STPG2: variants seen among roughly 807,000 people sequenced by gnomAD.
The protein encoded by STPG2 is sperm-tail PG-rich repeat-containing protein 2.
Under a neutral mutation model 54.2 loss-of-function variants are expected in STPG2, and 56 were observed. The observed-to-expected ratio is 1.03, with a 90% CI of 0.83 to 1.29. STPG2 has a LOEUF of 1.29. Ranked by LOEUF, STPG2 falls within the 50% of genes most tolerant of loss-of-function variation. STPG2 has a pLI of 0.00. For synonymous variants in STPG2, 200 were observed against 181.8 expected, an observed-to-expected ratio of 1.10 and a Z score of -0.81; for missense variants, 596 against 544.9, an observed-to-expected ratio of 1.09 and a Z score of -0.93.
chr4:97,579,360 GCAT>G lies in STPG2; in HGVS notation c.1321-20246_1321-20244del, dbSNP rs554913463. Among the ~76,000 whole-genome samples the G allele has an allele frequency of 4.1e-3, 629 of 151,910 alleles. 3 individuals carry two copies. Among genetic ancestry groups the G allele is most frequent in the South Asian group, 0.02 (98 of 4,806 alleles). ...TTGACTAATTATCCTATTCAGGAAA[GCAT>G]CTTAAAAAATTTTCTAAGCATCTTA... On this transcript the variant is annotated intron_variant, in intron 10 of 10. Transcript: ENST00000295268.
chr4:98,025,647 T>C (rs1736392539), intron 5 of STPG2: 1 of 892,748 alleles, frequency 1.1e-6, no homozygotes, highest in Non-Finnish European at 1.9e-6. Context: ...AAATATGGTA[T>C]GAAGGATGGC....
At chr4:97,808,429 G>A (rs149360046) in intron 9 of STPG2, among the ~76,000 whole-genome samples, 175 of 151,886 alleles carry the variant, frequency 1.2e-3, no homozygotes, top group Middle Eastern at 0.01. Context: ...AGAGGTAATC[G>A]CTAACTATCC....
intron 10 of STPG2, among the ~76,000 whole-genome samples, chr4:97,678,234 T>C (rs1462847014): frequency 6.6e-6 from 1 of 152,156 alleles, no homozygotes; most frequent in African/African-American, 2.4e-5. Flanking sequence ...GGGATCACTA[T>C]GAAATAAGGC....
chr4:97,969,736 C>T (rs559743415), intron 7 of STPG2, among the ~76,000 whole-genome samples: 3 of 152,278 alleles, frequency 2.0e-5, no homozygotes, highest in African/African-American at 4.8e-5. Flanking sequence ...GAAGCATTCC[C>T]TTTGAAAACT....
chr4:97,572,086 T>C (rs1306583083), intron 10 of STPG2, among the ~76,000 whole-genome samples: 2 of 152,196 alleles, frequency 1.3e-5, no homozygotes, highest in African/African-American at 2.4e-5. Context: ...AAGGTTCTCA[T>C]CAGACTATTG....
At chr4:97,813,046 A>T (rs1476555835) in intron 9 of STPG2, among the ~76,000 whole-genome samples, 1 of 151,990 alleles carries the variant, frequency 6.6e-6, no homozygotes, top group Non-Finnish European at 1.5e-5. Flanking sequence ...AAGTTCTGTT[A>T]CCTCTACTTT....
chr4:98,105,651 G>T (rs569580321), intron 5 of STPG2, among the ~76,000 whole-genome samples: 1 of 152,182 alleles, frequency 6.6e-6, no homozygotes, highest in East Asian at 1.9e-4. Flanking sequence ...ATAATGTAGG[G>T]ATTGTAAAAT....
chr4:97,768,359 C>T (rs1726122692), intron 9 of STPG2, among the ~76,000 whole-genome samples: 1 of 152,088 alleles, frequency 6.6e-6, no homozygotes, highest in African/African-American at 2.4e-5. Flanking sequence ...TTACAGCCTG[C>T]AAGGTGGCCA....
intron 8 of STPG2, among the ~76,000 whole-genome samples, chr4:97,858,941 G>A (rs1458813097): frequency 6.6e-6 from 1 of 152,168 alleles, no homozygotes; most frequent in African/African-American, 2.4e-5. Flanking sequence ...TAAAATGGTA[G>A]TTCTACTTTT....
chr4:97,969,754 G>C (rs1290356709), intron 7 of STPG2, among the ~76,000 whole-genome samples: 1 of 152,172 alleles, frequency 6.6e-6, no homozygotes, highest in Non-Finnish European at 1.5e-5. Flanking sequence ...ACTGGCACAA[G>C]ACAGGGATGC....
intron 4 of STPG2, among the ~76,000 whole-genome samples, chr4:97,541,344 A>C (rs1023553367): frequency 3.9e-5 from 6 of 152,192 alleles, no homozygotes; most frequent in African/African-American, 1.4e-4. Flanking sequence ...ACAGAGAGCC[A>C]AATCATGAGT....
At chr4:97,848,994 G>A (rs1306634338) in intron 8 of STPG2, among the ~76,000 whole-genome samples, 2 of 149,494 alleles carry the variant, frequency 1.3e-5, no homozygotes, top group African/African-American at 2.5e-5. Flanking sequence ...CTCTTTTTTG[G>A]TTCCATATGA....
chr4:97,751,874 C>G (rs573257815), intron 9 of STPG2, among the ~76,000 whole-genome samples: 2 of 151,782 alleles, frequency 1.3e-5, no homozygotes, highest in African/African-American at 4.8e-5. Flanking sequence ...GCCGATAGCC[C>G]TCAGATGTTT....
chr4:97,664,036 A>G (rs984021610), intron 10 of STPG2, among the ~76,000 whole-genome samples: 7 of 152,194 alleles, frequency 4.6e-5, no homozygotes, highest in Admixed American at 1.3e-4. Flanking sequence ...AGGTATATAT[A>G]CATATGGCAT....
chr4:97,916,895 T>A (rs1560588313), intron 8 of STPG2: 1 of 152,746 alleles, frequency 6.5e-6, no homozygotes, highest in African/African-American at 2.4e-5. Context: ...GCTGCTGCCA[T>A]CACTAAAACA....
chr4:98,077,941 C>T (rs1056466834), intron 5 of STPG2, among the ~76,000 whole-genome samples: 3 of 152,162 alleles, frequency 2.0e-5, no homozygotes, highest in Middle Eastern at 3.4e-3. Flanking sequence ...TCTCTTTGTT[C>T]CTGGATAAAT....
intron 9 of STPG2, among the ~76,000 whole-genome samples, chr4:97,800,481 A>C (rs1053815681): frequency 6.6e-6 from 1 of 152,176 alleles, no homozygotes; most frequent in African/African-American, 2.4e-5. Context: ...TCAGCAGTGG[A>C]GGCTGCAGAA....
intron 8 of STPG2, among the ~76,000 whole-genome samples, chr4:97,903,986 CTG>C (rs1731287070): frequency 1.3e-5 from 2 of 152,186 alleles, no homozygotes; most frequent in South Asian, 2.1e-4. Flanking sequence ...GCACAGCAGT[CTG>C]AGATCAAACT....
At chr4:98,094,599 G>C (rs779039712) in intron 5 of STPG2, among the ~76,000 whole-genome samples, 1 of 151,970 alleles carries the variant, frequency 6.6e-6, no homozygotes, top group Non-Finnish European at 1.5e-5. Flanking sequence ...CTGGGTCAGA[G>C]GGGAGCCCAC....
Sources: gnomAD v4.1 joint callset for allele counts (sites outside exome capture counted in the v4.1 genomes callset) on GRCh38, gnomAD v4.1.1 for gene constraint, MANE v1.5 for transcripts, NCBI Gene and HGNC (gene_info 2026-07-23, HGNC 2026-07-21) for gene names.